The following NOL4 variants were observed in gnomAD, a reference collection of about 807,000 sequenced individuals.
NOL4 encodes the protein nucleolar protein 4, also known as cancer/testis antigen 125.
Under a neutral mutation model 75.9 loss-of-function variants are expected in NOL4, and 17 were observed. The observed-to-expected ratio is 0.22, with a 90% CI of 0.15 to 0.34. The LOEUF (loss-of-function observed/expected upper bound fraction) is 0.34, where lower values mean the gene tolerates loss of function less well. Among genes scored for constraint, NOL4 ranks in the 10% least tolerant of loss-of-function variants. NOL4 has a pLI of 1.00. For missense variants in NOL4, 614 were observed against 793.5 expected (o/e 0.77, Z 2.72); for synonymous variants, 292 against 289.9 (o/e 1.01, Z -0.07).
chr18:34,212,854 T>G (rs1031137593), intron 1 of NOL4, among the ~76,000 whole-genome samples: 12 of 152,128 alleles, frequency 7.9e-5, no homozygotes, highest in Admixed American at 2.0e-4. Flanking sequence ...GCAAGTACAT[T>G]TTAGGTTTCA....
At chr18:34,217,566 C>A (rs2036990832) in intron 1 of NOL4, among the ~76,000 whole-genome samples, 1 of 152,136 alleles carries the variant, frequency 6.6e-6, no homozygotes. Context: ...GGATTACAGG[C>A]ATGAGCCACC....
At chr18:34,000,146 A>G (rs1321423875) in intron 6 of NOL4, among the ~76,000 whole-genome samples, 2 of 152,184 alleles carry the variant, frequency 1.3e-5, no homozygotes, top group Non-Finnish European at 2.9e-5. Flanking sequence ...GTAGATAACA[A>G]ATAGTCTTGT....
chr18:33,991,992 G>A (rs2072955429), intron 6 of NOL4, among the ~76,000 whole-genome samples: 1 of 148,010 alleles, frequency 6.8e-6, no homozygotes, highest in South Asian at 2.1e-4. Context: ...CAGATTCAGA[G>A]GTTAATTCCC....
intron 5 of NOL4, among the ~76,000 whole-genome samples, chr18:34,031,582 C>T (rs539941013): frequency 4.6e-5 from 7 of 152,210 alleles, no homozygotes; most frequent in African/African-American, 1.7e-4. Context: ...TCATATATGC[C>T]TCCTTCACTA....
chr18:33,913,367 CT>C (rs917682654), intron 9 of NOL4, among the ~76,000 whole-genome samples: 8 of 152,048 alleles, frequency 5.3e-5, no homozygotes, highest in Non-Finnish European at 8.8e-5. Flanking sequence ...AATGCAAAAC[CT>C]TTTTTCTAGT....
chr18:33,946,544 C>A (rs1437987491), intron 8 of NOL4, among the ~76,000 whole-genome samples: 1 of 151,692 alleles, frequency 6.6e-6, no homozygotes, highest in East Asian at 1.9e-4. Context: ...CCCTAGTGAA[C>A]TATTATTCAC....
intron 2 of NOL4, among the ~76,000 whole-genome samples, chr18:34,127,780 A>G (rs1301411317): frequency 1.3e-5 from 2 of 151,888 alleles, no homozygotes; most frequent in African/African-American, 4.8e-5. Flanking sequence ...TTACTGCATA[A>G]AAAGGAAATG....
chr18:34,166,500 A>G (rs2032351396), intron 1 of NOL4, among the ~76,000 whole-genome samples: 2 of 152,166 alleles, frequency 1.3e-5, no homozygotes, highest in African/African-American at 4.8e-5. Context: ...CATTTTCCCA[A>G]AGTCCCATTA....
intron 5 of NOL4, among the ~76,000 whole-genome samples, chr18:34,020,939 TATTCAATACTTGTG>T (rs2075002519): frequency 6.6e-6 from 1 of 152,222 alleles, no homozygotes; most frequent in Non-Finnish European, 1.5e-5. Context: ...AAAGAAATAT[TATTCAATACTTGTG>T]ATTTTTAATT....
At chr18:33,969,280 T>G (rs1299060354) in intron 6 of NOL4, among the ~76,000 whole-genome samples, 1 of 152,192 alleles carries the variant, frequency 6.6e-6, no homozygotes, top group African/African-American at 2.4e-5. Flanking sequence ...TAAAGAAATA[T>G]TACCTTCGAT....
chr18:33,890,977 A>T (rs1270484707), intron 9 of NOL4, among the ~76,000 whole-genome samples: 1 of 151,864 alleles, frequency 6.6e-6, no homozygotes, highest in African/African-American at 2.4e-5. Context: ...ACTATCCATC[A>T]AACTTTCATA....
chr18:34,123,070 T>C (rs2145854043), intron 2 of NOL4, among the ~76,000 whole-genome samples: 1 of 151,862 alleles, frequency 6.6e-6, no homozygotes, highest in Middle Eastern at 3.4e-3. Flanking sequence ...ATTGATGATG[T>C]GGTGTGTGAC....
intron 1 of NOL4, among the ~76,000 whole-genome samples, chr18:34,139,259 C>T (rs1053752853): frequency 3.9e-5 from 6 of 152,134 alleles, no homozygotes; most frequent in Non-Finnish European, 7.3e-5. Context: ...ATGGTACCAG[C>T]TCCTCCTTGT....
At chr18:33,876,069 T>C (rs1399091944) in intron 10 of NOL4, among the ~76,000 whole-genome samples, 1 of 152,088 alleles carries the variant, frequency 6.6e-6, no homozygotes, top group Non-Finnish European at 1.5e-5. Flanking sequence ...TTGATGTCAT[T>C]GATTCTGCCT....
chr18:34,042,847 C>T (rs888317353), intron 5 of NOL4, among the ~76,000 whole-genome samples: 78 of 152,186 alleles, frequency 5.1e-4, no homozygotes, highest in African/African-American at 1.8e-3. Context: ...TTCATCATGA[C>T]ATTTTTCACA....
chr18:34,198,984 C>T (rs2035538049), intron 1 of NOL4, among the ~76,000 whole-genome samples: 1 of 151,728 alleles, frequency 6.6e-6, no homozygotes, highest in Non-Finnish European at 1.5e-5. Context: ...TCAGATGCTA[C>T]CACCTATTAT....
At chr18:33,923,533 C>T (rs908323066) in intron 9 of NOL4, among the ~76,000 whole-genome samples, 2 of 151,954 alleles carry the variant, frequency 1.3e-5, no homozygotes, top group Non-Finnish European at 2.9e-5. Context: ...TGACAAAGCA[C>T]TTCCACATTT....
At chr18:34,048,764 C>T (rs2076497848) in intron 5 of NOL4, among the ~76,000 whole-genome samples, 1 of 152,060 alleles carries the variant, frequency 6.6e-6, no homozygotes, top group Non-Finnish European at 1.5e-5. Context: ...AACAAGTTTA[C>T]TGTCAGACTG....
intron 5 of NOL4, among the ~76,000 whole-genome samples, chr18:34,044,957 T>G (rs1219727442): frequency 6.6e-6 from 1 of 152,226 alleles, no homozygotes; most frequent in Non-Finnish European, 1.5e-5. Context: ...AATTTTCCAT[T>G]GGTCATGCTC....
Sources: gnomAD v4.1 joint callset for allele counts (sites outside exome capture counted in the v4.1 genomes callset) on GRCh38, gnomAD v4.1.1 for gene constraint, MANE v1.5 for transcripts, NCBI Gene and HGNC (gene_info 2026-07-23, HGNC 2026-07-21) for gene names.